Variants in FMN1 observed in about 807,000 individuals in gnomAD.
FMN1 encodes formin 1, also known as formin-1.
Under a neutral mutation model 132.4 loss-of-function variants are expected in FMN1, and 110 were observed. That is an observed-to-expected ratio of 0.83 (90% confidence interval 0.71 to 0.97). The LOEUF (loss-of-function observed/expected upper bound fraction) is 0.97. Ranked by LOEUF, FMN1 falls within the 50% of genes least tolerant of loss-of-function variation. The probability of loss-of-function intolerance (pLI) is 0.00; values close to 1 mark genes in which losing one functional copy is unlikely to be tolerated. For missense variants in FMN1, 1,792 were observed against 1,705.3 expected (o/e 1.05, Z -0.90); for synonymous variants, 722 against 651.7 (o/e 1.11, Z -1.64).
At position 33,154,600 on chromosome 15, in the gene FMN1, G is replaced by A; in HGVS notation, c.315C>T (p.Asp105=). 1 of 1,536,100 alleles carries A rather than the reference G, an allele frequency of 6.5e-7. No homozygotes were observed. The highest frequency in any genetic ancestry group is 8.7e-7 in the Non-Finnish European group (1 of 1,146,914). ...ERLLTNLLSS[D]HILGITMGNQ... is the part of the protein sequence containing the mutation. ...TCCCCATCGTGATCCCCAGGATGTG[G>A]TCTGAGCTCAGGAGATTGGTTAGCA... The change falls in exon 4 of 21, where the codon GAC becomes GAT. Residue 105 remains aspartate (D), a synonymous_variant. Transcript: ENST00000616417.
At chr15:33,181,541 G>A (rs1375035190) in intron 2 of FMN1, among the ~76,000 whole-genome samples, 1 of 152,128 alleles carries the variant, frequency 6.6e-6, no homozygotes, top group Non-Finnish European at 1.5e-5. Context: ...CACACAGGAT[G>A]GTATCAGATG....
chr15:33,120,303 C>T (rs1472422871), intron 4 of FMN1, among the ~76,000 whole-genome samples: 1 of 152,158 alleles, frequency 6.6e-6, no homozygotes, highest in African/African-American at 2.4e-5. Flanking sequence ...AGCAGATGTG[C>T]TAACTCCAGT....
At chr15:32,826,205 G>A (rs1401661233) in intron 17 of FMN1, among the ~76,000 whole-genome samples, 1 of 152,158 alleles carries the variant, frequency 6.6e-6, no homozygotes, top group Non-Finnish European at 1.5e-5. Context: ...TGTCAAGAGG[G>A]CCTAATGGCT....
intron 6 of FMN1, among the ~76,000 whole-genome samples, chr15:33,059,901 C>CA (rs2037407987): frequency 6.6e-6 from 1 of 152,208 alleles, no homozygotes; most frequent in African/African-American, 2.4e-5. Flanking sequence ...CTCCAGTCCG[C>CA]ACTTTTGATT....
intron 10 of FMN1, among the ~76,000 whole-genome samples, chr15:32,912,579 A>G (rs2060588489): frequency 6.6e-6 from 1 of 152,220 alleles, no homozygotes; most frequent in African/African-American, 2.4e-5. Context: ...AGAGAAATGT[A>G]CAACATTAGA....
rs558210773 is a variant in FMN1, at chr15:33,017,988, C to T, written c.2162-9913G>A. Among the ~76,000 whole-genome samples, 5 of 151,708 alleles carry T rather than the reference C, an allele frequency of 3.3e-5. No homozygotes were observed. In the South Asian group the frequency reaches 1.0e-3, roughly 32 times the overall value. ...GCAGAGGTAGGAGAATCACTTGAAC[C>T]CAGGAGGTGGAGGTTGCAGTGAGCC... On this transcript the variant is annotated intron_variant, in intron 6 of 20. Coordinates refer to ENST00000616417, the MANE Select transcript of FMN1 (RefSeq NM_001277313.2).
chr15:33,062,247 G>A (rs996735027), intron 6 of FMN1, among the ~76,000 whole-genome samples: 2 of 152,108 alleles, frequency 1.3e-5, no homozygotes, highest in African/African-American at 4.8e-5. Context: ...AATACTTATA[G>A]ACAAAGACTT....
rs540217494 is a variant in FMN1, at chr15:33,082,053, G to GTGTGTGTGTGTGTGTGTGTT, written c.2043+6745_2043+6746insAACACACACACACACACACA. On this transcript the variant is annotated intron_variant, in intron 5 of 20. Coordinates refer to ENST00000616417, the MANE Select transcript of FMN1 (RefSeq NM_001277313.2). ...TGTGTGTGTGTGTGTGTGTGTGTGT[G>GTGTGTGTGTGTGTGTGTGTT]TAAGACGGAGTCTCGCTTTGTCACC... is the stretch of plus-strand genomic sequence containing the variant. Among the ~76,000 whole-genome samples, 274 of 134,546 alleles carry GTGTGTGTGTGTGTGTGTGTT rather than the reference G, an allele frequency of 2.0e-3. 5 individuals carry two copies. The highest frequency in any genetic ancestry group is 6.9e-3 in the African/African-American group (254 of 36,810). The allele number at this position is 134,546 out of a possible 152,430, so 88.3% of individuals were successfully genotyped here.
intron 5 of FMN1, chr15:33,066,812 G>T (rs758826233): frequency 6.2e-7 from 1 of 1,613,912 alleles, no homozygotes; most frequent in Non-Finnish European, 8.5e-7. Flanking sequence ...TGCTCCCTTC[G>T]GTTCAGTTTT....
At chr15:33,143,738 G>T (rs1041597070) in intron 4 of FMN1, among the ~76,000 whole-genome samples, 3 of 152,162 alleles carry the variant, frequency 2.0e-5, no homozygotes, top group African/African-American at 7.2e-5. Context: ...AAGTTGGAAG[G>T]TTGTTTTTAA....
intron 6 of FMN1, among the ~76,000 whole-genome samples, chr15:33,018,902 A>C (rs987990803): frequency 1.3e-5 from 2 of 152,110 alleles, no homozygotes; most frequent in African/African-American, 4.8e-5. Context: ...TCGTAGTCTC[A>C]CTGGCTCAGG....
chr15:32,960,995 C>CAAAAAAAAAA (rs539245532), intron 9 of FMN1, among the ~76,000 whole-genome samples: 3 of 59,094 alleles, frequency 5.1e-5, no homozygotes, highest in South Asian at 1.0e-3. Flanking sequence ...GACTCCGTCT[C>CAAAAAAAAAA]AAAAAAAAAA....
chr15:32,967,999 C>G (rs900435488), intron 8 of FMN1, among the ~76,000 whole-genome samples: 1 of 152,252 alleles, frequency 6.6e-6, no homozygotes. Flanking sequence ...ACACTCAAAT[C>G]TGTTTGAATG....
intron 17 of FMN1, among the ~76,000 whole-genome samples, chr15:32,820,558 TATC>T (rs899062098): frequency 2.6e-5 from 4 of 152,198 alleles, no homozygotes; most frequent in Non-Finnish European, 5.9e-5. Flanking sequence ...CAAGTACTGT[TATC>T]ATTTTGGGAG....
intron 16 of FMN1, among the ~76,000 whole-genome samples, chr15:32,877,427 A>G (rs2141414079): frequency 6.6e-6 from 1 of 152,318 alleles, no homozygotes; most frequent in East Asian, 1.9e-4. Context: ...GACTTTTTAA[A>G]AAAAAGTCTT....
chr15:32,798,999 T>C lies in FMN1; in HGVS notation c.3981-46A>G, dbSNP rs773157498. 5.1e-6 allele frequency: 8 copies of C among 1,570,846 alleles called. No homozygotes were observed. In the South Asian group the frequency reaches 5.9e-5, roughly 12 times the overall value. ...AATGGAATGAGGTAGAGGTGAGAAA[T>C]TGCCAACACTAAAATCCATTAGAGG... On this transcript the variant is annotated intron_variant, in intron 18 of 20. Coordinates refer to ENST00000616417, the MANE Select transcript of FMN1 (RefSeq NM_001277313.2).
chr15:32,938,500 G>T (rs1334246197), intron 9 of FMN1, among the ~76,000 whole-genome samples: 1 of 152,148 alleles, frequency 6.6e-6, no homozygotes, highest in African/African-American at 2.4e-5. Context: ...CTGCTCGCCA[G>T]CCTGGGTGAC....
intron 6 of FMN1, among the ~76,000 whole-genome samples, chr15:33,051,304 T>C (rs1342741128): frequency 6.6e-6 from 1 of 152,128 alleles, no homozygotes; most frequent in Non-Finnish European, 1.5e-5. Flanking sequence ...GAATTATGGC[T>C]GGGCTGAAAG....
intron 17 of FMN1, among the ~76,000 whole-genome samples, chr15:32,825,926 T>C (rs1033427158): frequency 2.0e-5 from 3 of 152,244 alleles, no homozygotes; most frequent in African/African-American, 7.2e-5. Context: ...TTCCCCAAAT[T>C]GTATTAGACC....
Sources: allele counts gnomAD v4.1 joint callset (sites outside exome capture counted in the v4.1 genomes callset), GRCh38; gene constraint gnomAD v4.1.1; transcripts MANE v1.5; gene names NCBI Gene and HGNC (gene_info 2026-07-23, HGNC 2026-07-21).